Variants in BTN2A2 observed in about 807,000 individuals in gnomAD.
The protein encoded by BTN2A2 is butyrophilin subfamily 2 member A2, also known as butyrophilin 2.
A neutral mutation model predicts 34.7 loss-of-function variants in BTN2A2; 29 were observed. The observed-to-expected ratio is 0.84, with a 90% CI of 0.62 to 1.14. The LOEUF is 1.14. Ranked by LOEUF, BTN2A2 falls within the 50% of genes most tolerant of loss-of-function variation. BTN2A2 has a pLI of 0.00. For missense variants in BTN2A2, 612 were observed against 651.5 expected (o/e 0.94, Z 0.66); for synonymous variants, 240 against 253.1 (o/e 0.95, Z 0.49).
In BTN2A2 at chr6:26,394,038, T is replaced by C. The variant is rs1045371372; in HGVS notation, c.*1071T>C. 4.2e-5 allele frequency: 16 copies of C among 379,730 alleles called. No homozygotes were observed. The East Asian group carries it at 5.5e-4, about 13-fold the overall frequency. 23.5% of individuals were successfully genotyped at this position (379,730 alleles called of 1,614,324 possible). On this transcript the variant is annotated 3_prime_UTR_variant, in exon 8 of 8. Transcript: ENST00000356709. ...ATCTCATGTCTGGCTTAATAAGAGA[T>C]ATTTGTATTATCATATCTGCCTTTG...
In BTN2A2 at chr6:26,384,494, T is replaced by C. The variant is rs952799672; in HGVS notation, c.95-521T>C. Among the ~76,000 whole-genome samples, 1 of 152,268 alleles carries C rather than the reference T, an allele frequency of 6.6e-6. No homozygotes were observed. The highest frequency in any genetic ancestry group is 1.5e-5 in the Non-Finnish European group (1 of 68,042). On this transcript the variant is annotated intron_variant, in intron 2 of 7. Transcript: ENST00000356709. The surrounding 1 kb of genome is among the most constrained non-coding windows in gnomAD (Gnocchi z 4.0). Reference sequence around the variant, plus strand: ...AAAACATACTTGAAATAAATTTTAATAATGTATTTTGTTTCATATAAATAA... The same window carrying C: ...AAAACATACTTGAAATAAATTTTAACAATGTATTTTGTTTCATATAAATAA...
At chr6:26,391,951 C>T (rs1561833254) in intron 7 of BTN2A2, 1 of 483,680 alleles carries the variant, frequency 2.1e-6, no homozygotes, top group East Asian at 3.9e-5. Context: ...CTTAATTGAT[C>T]CATTGAGAGG....
intron 7 of BTN2A2, 166 bp downstream of exon 7, chr6:26,390,995 G>A (rs1761544688): frequency 4.9e-6 from 5 of 1,014,490 alleles, no homozygotes; most frequent in African/African-American, 1.6e-5. Flanking sequence ...TGGCTCTTCT[G>A]TCAGGGAACC....
intron 4 of BTN2A2, 22 bp downstream of exon 4, chr6:26,388,316 A>T: frequency 1.2e-6 from 2 of 1,611,918 alleles, no homozygotes; most frequent in Non-Finnish European, 1.7e-6. Flanking sequence ...GCCCTCTGAG[A>T]CCTATCAAGT....
At chr6:26,385,988 T>C (rs1016674208) in intron 3 of BTN2A2, among the ~76,000 whole-genome samples, 1 of 152,206 alleles carries the variant, frequency 6.6e-6, no homozygotes, top group African/African-American at 2.4e-5. Context: ...GGAGACACTG[T>C]CAAAAATTGT....
Position 26,384,966 on chromosome 6 carries a change from A to C in BTN2A2, c.95-49A>C. 6.4e-7 allele frequency: 1 copy of C among 1,561,074 alleles called. No individual in the cohort carries two copies. The highest frequency in any genetic ancestry group is 8.7e-7 in the Non-Finnish European group (1 of 1,144,020). On this transcript the variant is annotated intron_variant, in intron 2 of 7. Transcript: ENST00000356709. The surrounding 1 kb of genome is among the most constrained non-coding windows in gnomAD (Gnocchi z 4.0). ...TGTTTTTTGTTTTTTGTTTTGCCTT[A>C]GAGTTGTGATAACTGGCATCCTTGT...
rs1761006765 is a variant in BTN2A2 at position 26,383,751 on chromosome 6, G to T, written c.-30-41G>T. On this transcript the variant is annotated intron_variant, in intron 1 of 7. Transcript: ENST00000356709. The surrounding 1 kb of genome is among the most constrained non-coding windows in gnomAD (Gnocchi z 4.4). Reference sequence around the variant, plus strand: ...GGTTGGGCCCGACCAGCACTGAGGTGCCAAGACTCCTAGGCTGATTCTCCT... The same window carrying T: ...GGTTGGGCCCGACCAGCACTGAGGTTCCAAGACTCCTAGGCTGATTCTCCT... 2 of 1,524,760 alleles carry T rather than the reference G, an allele frequency of 1.3e-6. No individual in the cohort carries two copies. Among genetic ancestry groups the T allele is most frequent in the Admixed American group, 1.7e-5 (1 of 59,760 alleles). 94.5% of individuals were successfully genotyped at this position (1,524,760 alleles called of 1,614,324 possible). A position where few individuals can be genotyped will look rare whatever the true frequency, so the allele number is the denominator to read the frequency against.
At position 26,384,497 on chromosome 6, in the gene BTN2A2, T is replaced by C. The variant is rs891193380; in HGVS notation, c.95-518T>C. ...ACATACTTGAAATAAATTTTAATAA[T>C]GTATTTTGTTTCATATAAATAATCA... On this transcript the variant is annotated intron_variant, in intron 2 of 7. Transcript: ENST00000356709. This position sits in a 1 kb window ranked among gnomAD's most constrained non-coding sequence, Gnocchi z 4.0. 6.6e-6 allele frequency among the ~76,000 whole-genome samples: 1 copy of C among 152,258 alleles called. No homozygotes were observed. The highest frequency in any genetic ancestry group is 1.5e-5 in the Non-Finnish European group (1 of 68,042).
rs1761771443 is a variant in BTN2A2 at position 26,394,485 on chromosome 6, G to A, written c.*1518G>A. The A allele has an allele frequency of 1.7e-6, 1 of 575,444 alleles. No homozygotes were observed. The highest frequency in any genetic ancestry group is 1.9e-5 in the African/African-American group (1 of 53,566). The allele number at this position is 575,444 out of a possible 1,614,324, so 35.6% of individuals were successfully genotyped here. Reference sequence around the variant, plus strand: ...GCAAATTCTTCTCTCCTCTGGAGCTGAGACACTCTTCTTCTTCTGCCCTTG... The same window carrying A: ...GCAAATTCTTCTCTCCTCTGGAGCTAAGACACTCTTCTTCTTCTGCCCTTG... On this transcript the variant is annotated 3_prime_UTR_variant, in exon 8 of 8. Transcript: ENST00000356709.
intron 3 of BTN2A2, among the ~76,000 whole-genome samples, chr6:26,387,529 G>C (rs1429843401): frequency 1.4e-5 from 2 of 145,758 alleles, no homozygotes; most frequent in Non-Finnish European, 3.0e-5. Flanking sequence ...TCAGGAGTTT[G>C]AGACCAGCCT....
intron 4 of BTN2A2, among the ~76,000 whole-genome samples, chr6:26,388,811 AAGG>A (rs765962054): frequency 2.8e-4 from 43 of 152,212 alleles, no homozygotes; most frequent in Admixed American, 2.2e-3. Context: ...TTCTCTCCTC[AAGG>A]AGTTCATATT....
At chr6:26,386,344 G>A (rs1252002269) in intron 3 of BTN2A2, among the ~76,000 whole-genome samples, 1 of 145,496 alleles carries the variant, frequency 6.9e-6, no homozygotes, top group Non-Finnish European at 1.5e-5. Flanking sequence ...GCTTTAAAAG[G>A]TATATTTCAG....
rs1235550282 is a variant in BTN2A2 at position 26,393,427 on chromosome 6, T to C, written c.*460T>C. 6 of 1,091,578 alleles carry C rather than the reference T, an allele frequency of 5.5e-6. No homozygotes were observed. Among genetic ancestry groups the C allele is most frequent in the East Asian group, 7.3e-5 (1 of 13,608 alleles). 67.6% of individuals were successfully genotyped at this position (1,091,578 alleles called of 1,614,324 possible). The stretch of plus-strand genomic sequence containing the variant: ...GGGAACCAGATATGCAGATCAGAGA[T>C]AGAGGAAGTGGAACCAGAGAGCTGG... On this transcript the variant is annotated 3_prime_UTR_variant, in exon 8 of 8. Coordinates refer to ENST00000356709, the MANE Select transcript of BTN2A2 (RefSeq NM_006995.5).
rs373288008 is a variant in BTN2A2, at chr6:26,390,718, C to T, written c.952+11C>T. 43 of 1,614,226 alleles carry T rather than the reference C, an allele frequency of 2.7e-5. No homozygotes were observed. The highest frequency in any genetic ancestry group is 3.5e-5 in the Non-Finnish European group (41 of 1,180,030). Reference sequence around the variant, plus strand: ...TTCAAGAAGAATTGCGTAAGTTTAGCCTTTCCTGAACTACTCCGTGTACAA... The same window carrying T: ...TTCAAGAAGAATTGCGTAAGTTTAGTCTTTCCTGAACTACTCCGTGTACAA... On this transcript the variant is annotated intron_variant, in intron 6 of 7. Coordinates refer to ENST00000356709, the MANE Select transcript of BTN2A2 (RefSeq NM_006995.5).
chr6:26,385,473 C>A, intron 3 of BTN2A2, 111 bp downstream of exon 3: 1 of 1,091,874 alleles, frequency 9.2e-7, no homozygotes. Flanking sequence ...CTGGCGTCCC[C>A]TTTCCACAGA....
In BTN2A2 at chr6:26,385,197, A is replaced by C; in HGVS notation, c.277A>C (p.Met93Leu). 3 of 1,614,116 alleles carry C rather than the reference A, an allele frequency of 1.9e-6. No individual in the cohort carries two copies. Among genetic ancestry groups the C allele is most frequent in the Non-Finnish European group, 2.5e-6 (3 of 1,180,002 alleles). The stretch of plus-strand genomic sequence containing the variant: ...TGGGAGAGAGAGAACAGAGGAGCAG[A>C]TGGAGGAGTACCGGGGAAGAATCAC... ...KGGRERTEEQ[M>L]EEYRGRITFV... is the part of the protein sequence containing the mutation. The change falls in exon 3 of 8, where the codon ATG (methionine) becomes CTG (leucine). Residue 93 changes from methionine to leucine, a missense_variant. Coordinates refer to ENST00000356709, the MANE Select transcript of BTN2A2 (RefSeq NM_006995.5).
chr6:26,390,927 C>T (rs756212182), intron 7 of BTN2A2, 98 bp downstream of exon 7: 3 of 1,579,168 alleles, frequency 1.9e-6, no homozygotes, highest in South Asian at 1.1e-5. Flanking sequence ...CAGGGCTACA[C>T]AGGGACCATA....
intron 7 of BTN2A2, 175 bp downstream of exon 7, chr6:26,391,004 C>A: frequency 2.2e-6 from 2 of 922,834 alleles, no homozygotes; most frequent in South Asian, 1.5e-5. Flanking sequence ...TGTCAGGGAA[C>A]CCCAGCAGCT....
rs911392948 is a variant in BTN2A2 at position 26,383,333 on chromosome 6, C to G, written c.-31+152C>G. On this transcript the variant is annotated intron_variant, in intron 1 of 7. Transcript: ENST00000356709. The surrounding 1 kb of genome is among the most constrained non-coding windows in gnomAD (Gnocchi z 4.4). ...TAGAAGGTAGGAAAGGGAGAGGAGGCGCTACAGCTCCGGGGTGGGGGCGGT... is the reference window on the plus strand; with the variant it reads ...TAGAAGGTAGGAAAGGGAGAGGAGGGGCTACAGCTCCGGGGTGGGGGCGGT... The G allele has an allele frequency of 6.0e-6, 1 of 166,184 alleles. No homozygotes were observed. The highest frequency in any genetic ancestry group is 1.3e-5 in the Non-Finnish European group (1 of 77,116). The allele number at this position is 166,184 out of a possible 1,614,324, so 10.3% of individuals were successfully genotyped here.
Sources: gnomAD v4.1 joint callset for allele counts (sites outside exome capture counted in the v4.1 genomes callset) on GRCh38, gnomAD v4.1.1 for gene constraint, Gnocchi (gnomAD v3.1) non-coding constraint, MANE v1.5 for transcripts, NCBI Gene and HGNC (gene_info 2026-07-23, HGNC 2026-07-21) for gene names.